The following TOGARAM2 variants were observed in gnomAD, a reference collection of about 807,000 sequenced individuals.
TOGARAM2 encodes TOG array regulator of axonemal microtubules 2, also known as TOG array regulator of axonemal microtubules protein 2.
In TOGARAM2, 85 loss-of-function variants were observed where a neutral mutation model predicts 93.3. The ratio of observed to expected loss-of-function variants is 0.91; its 90% CI spans 0.76 to 1.09. TOGARAM2 has a LOEUF of 1.09. Among genes scored for constraint, TOGARAM2 ranks in the 50% least tolerant of loss-of-function variants. TOGARAM2 has a pLI of 0.00. For missense variants in TOGARAM2, 1,277 were observed against 1,334.5 expected (o/e 0.96, Z 0.67); for synonymous variants, 593 against 552.8 (o/e 1.07, Z -1.02).
At chr2:28,973,752 T>C (rs943033463) in intron 1 of TOGARAM2, among the ~76,000 whole-genome samples, 26 of 152,042 alleles carry the variant, frequency 1.7e-4, no homozygotes, top group Admixed American at 5.9e-4. Flanking sequence ...GGTCTCAAAC[T>C]CCTGGCCTCA....
chr2:28,973,772 C>T (rs941209202), intron 1 of TOGARAM2, among the ~76,000 whole-genome samples: 2 of 152,112 alleles, frequency 1.3e-5, no homozygotes, highest in Admixed American at 1.3e-4. Flanking sequence ...AAGGTATCAT[C>T]CTGCCTCAGC....
intron 1 of TOGARAM2, among the ~76,000 whole-genome samples, chr2:28,988,987 C>G (rs553798919): frequency 2.4e-4 from 36 of 152,228 alleles, no homozygotes; most frequent in Non-Finnish European, 4.3e-4. Context: ...CTACCCATCT[C>G]TGCTCAATGC....
intron 7 of TOGARAM2, among the ~76,000 whole-genome samples, chr2:29,012,467 G>T (rs1284916561): frequency 6.6e-6 from 1 of 152,172 alleles, no homozygotes; most frequent in South Asian, 2.1e-4. Flanking sequence ...AGTCTGTGGC[G>T]AAATGCACCG....
chr2:29,026,889 G>C lies in TOGARAM2; in HGVS notation c.1890G>C (p.Glu630Asp), dbSNP rs189858078. Residue 630 changes from glutamate to aspartate, a missense_variant, in exon 14 of 20, where the codon GAG becomes GAC. Glu to Asp is a conservative substitution (Grantham distance 45). Coordinates refer to ENST00000379558, the MANE Select transcript of TOGARAM2 (RefSeq NM_199280.4). ...RNPLIRKYAAEHLSAVLEQIG... is the reference protein window; with the variant it reads ...RNPLIRKYAADHLSAVLEQIG... ...CCTTGATCCGGAAATACGCGGCTGAGCACCTCTCAGCTGTGCTGGAGCAGA... is the reference window on the plus strand; with the variant it reads ...CCTTGATCCGGAAATACGCGGCTGACCACCTCTCAGCTGTGCTGGAGCAGA... 1.3e-6 allele frequency: 2 copies of C among 1,592,092 alleles called. No individual in the cohort carries two copies. The highest frequency in any genetic ancestry group is 1.7e-6 in the Non-Finnish European group (2 of 1,169,416).
At chr2:29,026,173 C>T (rs897601338) in intron 13 of TOGARAM2, among the ~76,000 whole-genome samples, 3 of 152,226 alleles carry the variant, frequency 2.0e-5, no homozygotes, top group African/African-American at 7.2e-5. Context: ...TTCCCCTCTG[C>T]CCATCGAGTG....
In TOGARAM2 at chr2:29,019,406, G is replaced by A. The variant is rs574909265; in HGVS notation, c.1360+1450G>A. Among the ~76,000 whole-genome samples, 63 of 152,200 alleles carry A rather than the reference G, an allele frequency of 4.1e-4. 1 individual carries two copies. The highest frequency in any genetic ancestry group is 1.5e-3 in the African/African-American group (62 of 41,532). On this transcript the variant is annotated intron_variant, in intron 10 of 19. Coordinates refer to ENST00000379558, the MANE Select transcript of TOGARAM2 (RefSeq NM_199280.4). ...GCTGGTCTCGAACTCTCGACCTCAAGTGATTCGCCCACCTCAGCCTCCCAA... is the reference window on the plus strand; with the variant it reads ...GCTGGTCTCGAACTCTCGACCTCAAATGATTCGCCCACCTCAGCCTCCCAA...
In TOGARAM2 at chr2:29,017,917, A is replaced by T; in HGVS notation, c.1321A>T (p.Ile441Phe). 6.2e-7 allele frequency: 1 copy of T among 1,608,648 alleles called. No homozygotes were observed. The highest frequency in any genetic ancestry group is 1.7e-4 in the Middle Eastern group (1 of 6,000). The change falls in exon 10 of 20, where the codon ATC (isoleucine) becomes TTC (phenylalanine). Residue 441 changes from isoleucine to phenylalanine, a missense_variant. Coordinates refer to ENST00000379558, the MANE Select transcript of TOGARAM2 (RefSeq NM_199280.4). The stretch of plus-strand genomic sequence containing the variant: ...CCGGGCCTCCCTGCCCAGCATCCCC[A>T]TCAGCCGGCAGGAGCCCCGCTTTGC... ...ASRASLPSIP[I>F]SRQEPRFARH...
At chr2:28,991,930 G>C (rs1021262084) in intron 1 of TOGARAM2, among the ~76,000 whole-genome samples, 1 of 152,226 alleles carries the variant, frequency 6.6e-6, no homozygotes, top group African/African-American at 2.4e-5. Context: ...GAGGCTGAGA[G>C]GGGAGAAGCC....
At chr2:28,972,212 C>T (rs1671959174) in intron 1 of TOGARAM2, among the ~76,000 whole-genome samples, 1 of 152,198 alleles carries the variant, frequency 6.6e-6, no homozygotes, top group African/African-American at 2.4e-5. Context: ...CCTCAGCCTC[C>T]TGAGTAACTG....
chr2:29,010,453 C>T (rs758356165), intron 6 of TOGARAM2, among the ~76,000 whole-genome samples: 4 of 152,112 alleles, frequency 2.6e-5, no homozygotes, highest in East Asian at 1.9e-4. Context: ...GTTGAAGCTC[C>T]GCTCCTCCTG....
intron 1 of TOGARAM2, among the ~76,000 whole-genome samples, chr2:28,965,853 C>A (rs1004289474): frequency 8.5e-5 from 13 of 152,122 alleles, no homozygotes; most frequent in African/African-American, 3.1e-4. Context: ...TGCCTGATTC[C>A]TGGAGGCCTT....
intron 10 of TOGARAM2, 72 bp downstream of exon 10, chr2:29,018,028 A>G (rs1664703115): frequency 2.0e-6 from 3 of 1,468,982 alleles, no homozygotes; most frequent in African/African-American, 2.8e-5. Flanking sequence ...GAGGCATGGC[A>G]GAGGTGACCT....
At chr2:28,975,897 G>T (rs950805492) in intron 1 of TOGARAM2, among the ~76,000 whole-genome samples, 1 of 152,052 alleles carries the variant, frequency 6.6e-6, no homozygotes, top group Non-Finnish European at 1.5e-5. Context: ...CTGATGATGG[G>T]ATGGAATTTC....
chr2:29,019,891 A>G (rs1237817938), intron 10 of TOGARAM2, among the ~76,000 whole-genome samples: 1 of 152,178 alleles, frequency 6.6e-6, no homozygotes, highest in African/African-American at 2.4e-5. Context: ...TTCTCCTAAT[A>G]TGTCCTGTGA....
intron 14 of TOGARAM2, among the ~76,000 whole-genome samples, chr2:29,029,795 A>G (rs1325712982): frequency 6.6e-6 from 1 of 151,200 alleles, no homozygotes. Context: ...TTAGGGACTC[A>G]GGAGGAACTA....
At chr2:28,992,264 G>A (rs937785715) in intron 1 of TOGARAM2, among the ~76,000 whole-genome samples, 2 of 152,114 alleles carry the variant, frequency 1.3e-5, no homozygotes, top group African/African-American at 4.8e-5. Flanking sequence ...CTGCGCTCAC[G>A]TTAGTCAGGC....
chr2:28,984,307 G>C (rs916870855), intron 1 of TOGARAM2, among the ~76,000 whole-genome samples: 2 of 152,120 alleles, frequency 1.3e-5, no homozygotes, highest in Admixed American at 1.3e-4. Context: ...TGTATGTCCT[G>C]GAGAGGCACA....
At chr2:29,028,419 T>C (rs17007462) in intron 14 of TOGARAM2, among the ~76,000 whole-genome samples, 2,587 of 152,292 alleles carry the variant, frequency 0.017, 69 homozygotes, top group African/African-American at 0.058. Context: ...TGCATGTGTG[T>C]GCTCCAGCAG....
intron 4 of TOGARAM2, 46 bp from the exon 5 acceptor site, chr2:29,002,490 C>G (rs761126219): frequency 6.4e-7 from 1 of 1,562,438 alleles, no homozygotes; most frequent in Non-Finnish European, 8.7e-7. Context: ...CTTCCACTCC[C>G]TGTTCTTCTG....
Sources: allele counts gnomAD v4.1 joint callset (sites outside exome capture counted in the v4.1 genomes callset), GRCh38; gene constraint gnomAD v4.1.1; transcripts MANE v1.5; gene names NCBI Gene and HGNC (gene_info 2026-07-23, HGNC 2026-07-21).